CLASP1: variants seen among roughly 807,000 people sequenced by gnomAD.
The protein encoded by CLASP1 is cytoplasmic linker associated protein 1.
Under a neutral mutation model 192.3 loss-of-function variants are expected in CLASP1, and 38 were observed. That is an observed-to-expected ratio of 0.20 (90% confidence interval 0.15 to 0.26). CLASP1 has a LOEUF of 0.26. Ranked by LOEUF, CLASP1 falls within the 10% of genes least tolerant of loss-of-function variation. The pLI is 1.00. For synonymous variants in CLASP1, 691 were observed against 712.8 expected, an observed-to-expected ratio of 0.97 and a Z score of 0.49; for missense variants, 1,433 against 1,932.5, an observed-to-expected ratio of 0.74 and a Z score of 4.85.
At chr2:121,639,036 G>A (rs2071496160) in intron 1 of CLASP1, among the ~76,000 whole-genome samples, 1 of 152,160 alleles carries the variant, frequency 6.6e-6, no homozygotes, top group South Asian at 2.1e-4. Flanking sequence ...CAGCACTTTG[G>A]GAGGCTGAGG....
chr2:121,542,969 G>A (rs1575826207), intron 2 of CLASP1, among the ~76,000 whole-genome samples: 1 of 152,242 alleles, frequency 6.6e-6, no homozygotes, highest in South Asian at 2.1e-4. Context: ...TTTCAGCAAT[G>A]ATAGAAATGT....
intron 23 of CLASP1, among the ~76,000 whole-genome samples, chr2:121,416,614 C>A (rs998330109): frequency 6.6e-5 from 10 of 152,194 alleles, no homozygotes; most frequent in African/African-American, 2.2e-4. Flanking sequence ...CAGGTCCTAA[C>A]CCCAAGCCTG....
intron 34 of CLASP1, among the ~76,000 whole-genome samples, chr2:121,371,765 C>G (rs115555227): frequency 6.6e-6 from 1 of 152,210 alleles, no homozygotes; most frequent in Non-Finnish European, 1.5e-5. Context: ...CCTAATCTCA[C>G]GTCCCCACGT....
At chr2:121,544,935 G>A (rs191284957) in intron 2 of CLASP1, among the ~76,000 whole-genome samples, 252 of 147,964 alleles carry the variant, frequency 1.7e-3, no homozygotes, top group African/African-American at 6.0e-3. Flanking sequence ...TTTTTGAGAC[G>A]GAGTCTCGCT....
At chr2:121,355,625 T>C (rs2149184659) in intron 37 of CLASP1, among the ~76,000 whole-genome samples, 1 of 152,350 alleles carries the variant, frequency 6.6e-6, no homozygotes, top group South Asian at 2.1e-4. Flanking sequence ...AACCCCTGGC[T>C]TTGGCAAGCT....
intron 21 of CLASP1, 100 bp downstream of exon 21, chr2:121,427,304 T>C: frequency 7.3e-7 from 1 of 1,378,064 alleles, no homozygotes; most frequent in Non-Finnish European, 9.9e-7. Flanking sequence ...TAACTAAGCT[T>C]ACAATAAAGA....
intron 3 of CLASP1, among the ~76,000 whole-genome samples, 195 bp downstream of exon 3, chr2:121,530,052 G>A (rs2094718692): frequency 6.6e-6 from 1 of 151,138 alleles, no homozygotes; most frequent in Admixed American, 6.6e-5. Context: ...CAGCGGGGCG[G>A]CCGACCCAGG....
At chr2:121,485,849 G>A (rs1472809838) in intron 8 of CLASP1, among the ~76,000 whole-genome samples, 2 of 152,170 alleles carry the variant, frequency 1.3e-5, no homozygotes, top group African/African-American at 4.8e-5. Flanking sequence ...GCACTGGGCA[G>A]GCTGCTCGTA....
At chr2:121,464,152 A>G (rs907166686) in intron 9 of CLASP1, among the ~76,000 whole-genome samples, 1 of 151,930 alleles carries the variant, frequency 6.6e-6, no homozygotes, top group African/African-American at 2.4e-5. Flanking sequence ...AATTTCATCC[A>G]TGTCCCTACA....
At chr2:121,571,376 T>C (rs557712382) in intron 2 of CLASP1, among the ~76,000 whole-genome samples, 4 of 152,186 alleles carry the variant, frequency 2.6e-5, no homozygotes, top group Non-Finnish European at 5.9e-5. Flanking sequence ...TTTGCTTTGG[T>C]AGAGATGGGC....
At chr2:121,530,169 G>A (rs1034439562) in intron 3 of CLASP1, 78 bp downstream of exon 3, 2 of 1,305,918 alleles carry the variant, frequency 1.5e-6, no homozygotes, top group African/African-American at 3.0e-5. Context: ...CTGCCGGGAG[G>A]GTTTGGGAGC....
At chr2:121,449,935 CA>C (rs1410673045) in intron 16 of CLASP1, among the ~76,000 whole-genome samples, 2 of 151,780 alleles carry the variant, frequency 1.3e-5, no homozygotes, top group Admixed American at 1.3e-4. Context: ...AGAGTAAATT[CA>C]AAAAAAATCA....
intron 8 of CLASP1, among the ~76,000 whole-genome samples, chr2:121,497,271 C>T (rs2093571617): frequency 6.6e-6 from 1 of 152,146 alleles, no homozygotes; most frequent in African/African-American, 2.4e-5. Context: ...TCAAAAATGA[C>T]ACCCAATCTT....
intron 21 of CLASP1, among the ~76,000 whole-genome samples, chr2:121,425,638 A>G (rs1041629966): frequency 1.3e-5 from 2 of 152,170 alleles, no homozygotes; most frequent in South Asian, 4.1e-4. Flanking sequence ...TGTCACTGCT[A>G]GAAGAGCAGA....
chr2:121,555,922 C>A (rs536827697), intron 2 of CLASP1, among the ~76,000 whole-genome samples: 50 of 151,208 alleles, frequency 3.3e-4, no homozygotes, highest in Non-Finnish European at 6.5e-4. Flanking sequence ...CGTGATCCAC[C>A]CACCTTGGTC....
At chr2:121,633,542 A>G (rs1362911963) in intron 1 of CLASP1, among the ~76,000 whole-genome samples, 1 of 152,128 alleles carries the variant, frequency 6.6e-6, no homozygotes, top group Non-Finnish European at 1.5e-5. Flanking sequence ...ACTCCCCATA[A>G]CATGTTAGTT....
intron 21 of CLASP1, 120 bp downstream of exon 21, chr2:121,427,284 G>A (rs557060486): frequency 1.3e-5 from 16 of 1,234,580 alleles, no homozygotes; most frequent in African/African-American, 1.1e-4. Context: ...AAAGAAAAAC[G>A]CAGAAAGATT....
chr2:121,556,096 G>C (rs543762069), intron 2 of CLASP1, among the ~76,000 whole-genome samples: 83 of 138,762 alleles, frequency 6.0e-4, no homozygotes, highest in African/African-American at 2.0e-3. Flanking sequence ...CAAATTCTCG[G>C]CCTCAGCCTT....
At chr2:121,613,045 T>G (rs528763532) in intron 1 of CLASP1, among the ~76,000 whole-genome samples, 27 of 152,298 alleles carry the variant, frequency 1.8e-4, no homozygotes, top group African/African-American at 6.0e-4. Flanking sequence ...GAGGTGACAA[T>G]AGCAAAACAT....
Sources: gnomAD v4.1 joint callset for allele counts (sites outside exome capture counted in the v4.1 genomes callset) on GRCh38, gnomAD v4.1.1 for gene constraint, MANE v1.5 for transcripts, NCBI Gene and HGNC (gene_info 2026-07-23, HGNC 2026-07-21) for gene names.